LSAMP: variants seen among roughly 807,000 people sequenced by gnomAD.
LSAMP encodes limbic system-associated membrane protein.
Under a neutral mutation model 38.6 loss-of-function variants are expected in LSAMP, and 7 were observed. The ratio of observed to expected loss-of-function variants is 0.18; its 90% CI spans 0.10 to 0.34. LSAMP has a LOEUF of 0.34. Ranked by LOEUF, LSAMP falls within the 10% of genes least tolerant of loss-of-function variation. The pLI is 1.00. For missense variants in LSAMP, 313 were observed against 420.0 expected, an observed-to-expected ratio of 0.75 and a Z score of 2.23; for synonymous variants, 154 against 166.8, an observed-to-expected ratio of 0.92 and a Z score of 0.59.
chr3:116,169,484 C>T (rs1434358402), intron 1 of LSAMP, among the ~76,000 whole-genome samples: 2 of 152,160 alleles, frequency 1.3e-5, no homozygotes, highest in Non-Finnish European at 2.9e-5. Context: ...CTGCTTCCCT[C>T]CCATTCACAT....
intron 6 of LSAMP, chr3:115,838,206 T>A (rs1288970712): frequency 6.6e-6 from 1 of 152,242 alleles, no homozygotes; most frequent in Non-Finnish European, 1.5e-5. Flanking sequence ...ATCTGAAACA[T>A]TTAGCATAGT....
At chr3:116,020,309 C>A (rs1008040957) in intron 2 of LSAMP, among the ~76,000 whole-genome samples, 1 of 152,164 alleles carries the variant, frequency 6.6e-6, no homozygotes, top group African/African-American at 2.4e-5. Context: ...ACCACTACTA[C>A]TAACAATGTA....
intron 1 of LSAMP, among the ~76,000 whole-genome samples, chr3:116,107,550 T>A (rs1299486525): frequency 6.6e-6 from 1 of 152,052 alleles, no homozygotes; most frequent in Non-Finnish European, 1.5e-5. Flanking sequence ...TGTAAGGGAT[T>A]GAGGTTTGGG....
intron 2 of LSAMP, among the ~76,000 whole-genome samples, chr3:116,036,387 G>A (rs1394911678): frequency 6.6e-6 from 1 of 152,144 alleles, no homozygotes; most frequent in Non-Finnish European, 1.5e-5. Context: ...CCTCCTGCCT[G>A]ACAGAGGCCG....
Position 115,887,989 on chromosome 3 carries a change from T to C in LSAMP, c.515-35372A>G, listed in dbSNP as rs373883294. On this transcript the variant is annotated intron_variant, in intron 3 of 6. Coordinates refer to ENST00000490035, the MANE Select transcript of LSAMP (RefSeq NM_002338.5). ...AGGAGGTCAGATCCCCATGTCTCAATGGCTAAATAGTGGACACATTTTAGC... is the reference window on the plus strand; with the variant it reads ...AGGAGGTCAGATCCCCATGTCTCAACGGCTAAATAGTGGACACATTTTAGC... Among the ~76,000 whole-genome samples, 5 of 152,084 alleles carry C rather than the reference T, an allele frequency of 3.3e-5. No homozygotes were observed. The East Asian group carries it at 9.7e-4, about 29-fold the overall frequency.
At chr3:116,132,561 A>T (rs1287938409) in intron 1 of LSAMP, among the ~76,000 whole-genome samples, 2 of 152,196 alleles carry the variant, frequency 1.3e-5, no homozygotes, top group Non-Finnish European at 2.9e-5. Flanking sequence ...TTTCTCGTGA[A>T]CTTCTCATGA....
chr3:116,184,781 C>A (rs1459609540), intron 1 of LSAMP, among the ~76,000 whole-genome samples: 3 of 151,716 alleles, frequency 2.0e-5, no homozygotes, highest in African/African-American at 7.3e-5. Flanking sequence ...TTGCTTGGTG[C>A]TGAATCTTGC....
chr3:116,419,562 T>C (rs1384980161), intron 1 of LSAMP, among the ~76,000 whole-genome samples: 3 of 152,182 alleles, frequency 2.0e-5, no homozygotes, highest in African/African-American at 7.2e-5. Context: ...TGGGTCAAGA[T>C]TCAGCGTACA....
intron 1 of LSAMP, among the ~76,000 whole-genome samples, chr3:116,175,674 A>G (rs1710321353): frequency 6.6e-6 from 1 of 152,116 alleles, no homozygotes; most frequent in African/African-American, 2.4e-5. Context: ...CCCACATTAA[A>G]TCATACATAT....
Position 115,909,351 on chromosome 3 carries a change from T to A in LSAMP, c.515-56734A>T, listed in dbSNP as rs72955562. 4.0e-3 allele frequency among the ~76,000 whole-genome samples: 615 copies of A among 152,352 alleles called. 7 individuals are homozygous for A. Among genetic ancestry groups the A allele is most frequent in the African/African-American group, 0.014 (581 of 41,590 alleles). On this transcript the variant is annotated intron_variant, in intron 3 of 6. Transcript: ENST00000490035. The stretch of plus-strand genomic sequence containing the variant: ...CACAGTCTTGCAAGTGGTCCTTTCA[T>A]GCTTGTCTCTGTCTTGAGATATGAG...
intron 1 of LSAMP, among the ~76,000 whole-genome samples, chr3:116,385,791 CT>C (rs746576571): frequency 6.6e-6 from 1 of 152,058 alleles, no homozygotes; most frequent in Non-Finnish European, 1.5e-5. Context: ...GCTTTGAGTA[CT>C]GTTTGGGGTA....
At chr3:116,378,023 C>T (rs2048515600) in intron 1 of LSAMP, among the ~76,000 whole-genome samples, 1 of 152,044 alleles carries the variant, frequency 6.6e-6, no homozygotes, top group African/African-American at 2.4e-5. Context: ...GGCCTCAGTG[C>T]TTCAGGGAGC....
intron 1 of LSAMP, among the ~76,000 whole-genome samples, chr3:116,342,922 A>G (rs1355606072): frequency 1.3e-5 from 2 of 152,100 alleles, no homozygotes; most frequent in African/African-American, 4.8e-5. Context: ...TCAAGAGTAA[A>G]TATTGATGGA....
chr3:116,102,847 C>G (rs891975498), intron 1 of LSAMP, among the ~76,000 whole-genome samples: 2 of 151,948 alleles, frequency 1.3e-5, no homozygotes, highest in Non-Finnish European at 2.9e-5. Context: ...CAGACTAATA[C>G]AGTAAGTTTT....
chr3:115,872,545 C>A (rs1295599274), intron 3 of LSAMP, among the ~76,000 whole-genome samples: 1 of 151,118 alleles, frequency 6.6e-6, no homozygotes, highest in Admixed American at 6.6e-5. Flanking sequence ...CAGCAGGAGG[C>A]CGATAGGAGA....
At chr3:115,897,303 C>T (rs1328344522) in intron 3 of LSAMP, among the ~76,000 whole-genome samples, 1 of 152,082 alleles carries the variant, frequency 6.6e-6, no homozygotes, top group African/African-American at 2.4e-5. Flanking sequence ...CAGCATGAAA[C>T]TCACTAAATT....
chr3:116,384,789 A>G (rs2048604368), intron 1 of LSAMP, among the ~76,000 whole-genome samples: 1 of 152,168 alleles, frequency 6.6e-6, no homozygotes. Context: ...TTTGAGTCAC[A>G]TATTTTAATA....
At chr3:116,068,451 A>AG (rs397966689) in intron 2 of LSAMP, among the ~76,000 whole-genome samples, 2 of 152,158 alleles carry the variant, frequency 1.3e-5, no homozygotes, top group African/African-American at 4.8e-5. Context: ...TAAAAAAAAA[A>AG]TAAGTTATTT....
chr3:116,409,470 T>C (rs1016158570), intron 1 of LSAMP, among the ~76,000 whole-genome samples: 7 of 152,092 alleles, frequency 4.6e-5, no homozygotes, highest in African/African-American at 1.7e-4. Flanking sequence ...TTTATACCTA[T>C]AAGAAATTGC....
Sources: allele counts gnomAD v4.1 joint callset (sites outside exome capture counted in the v4.1 genomes callset), GRCh38; gene constraint gnomAD v4.1.1; transcripts MANE v1.5; gene names NCBI Gene and HGNC (gene_info 2026-07-23, HGNC 2026-07-21).